AUTS2: variants seen among roughly 807,000 people sequenced by gnomAD.
AUTS2 encodes autism susceptibility gene 2 protein.
AUTS2 carries 17 observed loss-of-function variants against 112.4 expected under a neutral mutation model. The observed-to-expected ratio is 0.15, with a 90% CI of 0.10 to 0.23. The LOEUF (loss-of-function observed/expected upper bound fraction) is 0.23. Among genes scored for constraint, AUTS2 ranks in the 10% least tolerant of loss-of-function variants. AUTS2 has a pLI of 1.00. For missense variants in AUTS2, 1,510 were observed against 1,701.6 expected (o/e 0.89, Z 1.98); for synonymous variants, 751 against 702.7 (o/e 1.07, Z -1.09).
chr7:69,846,789 G>A (rs1246269323), intron 1 of AUTS2, among the ~76,000 whole-genome samples: 3 of 152,148 alleles, frequency 2.0e-5, no homozygotes, highest in Non-Finnish European at 4.4e-5. Flanking sequence ...GGCCAGGCTG[G>A]TCTCAAACTC....
chr7:69,641,720 A>G (rs145284690), intron 1 of AUTS2, among the ~76,000 whole-genome samples: 24 of 152,350 alleles, frequency 1.6e-4, no homozygotes, highest in African/African-American at 5.1e-4. Flanking sequence ...AAGGAATTCA[A>G]CAATTCTGCA....
intron 1 of AUTS2, among the ~76,000 whole-genome samples, chr7:69,879,220 C>T (rs1024510057): frequency 1.3e-5 from 2 of 151,956 alleles, no homozygotes; most frequent in African/African-American, 4.8e-5. Flanking sequence ...CAGCTCACTG[C>T]AGCTTCCCTC....
intron 1 of AUTS2, among the ~76,000 whole-genome samples, chr7:69,773,820 C>T (rs1378260508): frequency 2.0e-5 from 3 of 152,102 alleles, no homozygotes; most frequent in East Asian, 1.9e-4. Flanking sequence ...CCGTCTCTAC[C>T]GTGTAGCAAA....
At chr7:70,076,973 G>T (rs1238642666) in intron 2 of AUTS2, among the ~76,000 whole-genome samples, 1 of 151,950 alleles carries the variant, frequency 6.6e-6, no homozygotes. Context: ...TAGATATATA[G>T]CCTAGGGGGA....
Position 70,425,431 on chromosome 7 carries a change from G to C in AUTS2, c.661-10321G>C, listed in dbSNP as rs1383847136. Reference sequence around the variant, plus strand: ...CCTTTCCTTCCCCAGGATACACAGGGCACATGGTGATCACCTGAGATTCCC... The same window carrying C: ...CCTTTCCTTCCCCAGGATACACAGGCCACATGGTGATCACCTGAGATTCCC... On this transcript the variant is annotated intron_variant, in intron 4 of 18. Transcript: ENST00000342771. 9.9e-5 allele frequency among the ~76,000 whole-genome samples: 15 copies of C among 152,176 alleles called. No homozygotes were observed. The East Asian group carries it at 2.9e-3, about 29-fold the overall frequency.
In AUTS2 at chr7:70,755,661, C is replaced by A. The variant is rs539176748; in HGVS notation, c.743-7209C>A. ...CTCCACCCTGGGCGACAGAGTGAGA[C>A]TCCATCTCAAAAAAAAAATTCAGTA... is the stretch of plus-strand genomic sequence containing the variant. On this transcript the variant is annotated intron_variant, in intron 6 of 18. Coordinates refer to ENST00000342771, the MANE Select transcript of AUTS2 (RefSeq NM_015570.4). Among the ~76,000 whole-genome samples the A allele has an allele frequency of 2.6e-4, 40 of 151,592 alleles. 1 individual carries two copies. In the South Asian group the frequency reaches 7.5e-3, roughly 28 times the overall value.
intron 1 of AUTS2, among the ~76,000 whole-genome samples, chr7:69,763,266 CAAT>C (rs1305920110): frequency 6.6e-6 from 1 of 152,110 alleles, no homozygotes; most frequent in Non-Finnish European, 1.5e-5. Flanking sequence ...TACTGTCACT[CAAT>C]GATGCGTTGA....
chr7:70,547,926 A>T (rs1400115976), intron 5 of AUTS2, among the ~76,000 whole-genome samples: 1 of 152,144 alleles, frequency 6.6e-6, no homozygotes, highest in African/African-American at 2.4e-5. Context: ...CCAGTAATTT[A>T]GGTGCTTCTG....
At chr7:70,511,142 C>CA (rs1378413446) in intron 5 of AUTS2, among the ~76,000 whole-genome samples, 20 of 152,016 alleles carry the variant, frequency 1.3e-4, no homozygotes, top group Admixed American at 2.6e-4. Context: ...AACCACTGCG[C>CA]TCGGCCTTTA....
intron 1 of AUTS2, among the ~76,000 whole-genome samples, chr7:69,804,266 T>A (rs1450899920): frequency 1.3e-5 from 2 of 152,300 alleles, no homozygotes; most frequent in East Asian, 3.9e-4. Context: ...TATGGTCACG[T>A]ACACATCTGT....
chr7:70,433,041 G>C (rs373299440), intron 4 of AUTS2, among the ~76,000 whole-genome samples: 6 of 152,106 alleles, frequency 3.9e-5, no homozygotes, highest in East Asian at 3.9e-4. Context: ...GATACCAGTA[G>C]GTCTCAGTTC....
intron 5 of AUTS2, among the ~76,000 whole-genome samples, chr7:70,520,718 T>C (rs1799607992): frequency 6.6e-6 from 1 of 152,222 alleles, no homozygotes; most frequent in Non-Finnish European, 1.5e-5. Context: ...TGCCCCTTTC[T>C]TGGCACCTTG....
At chr7:69,891,026 A>G (rs1194690365) in intron 1 of AUTS2, among the ~76,000 whole-genome samples, 4 of 152,216 alleles carry the variant, frequency 2.6e-5, no homozygotes, top group Non-Finnish European at 5.9e-5. Flanking sequence ...CAAACTAACA[A>G]TATACAATTT....
At chr7:70,359,611 A>G (rs1239913404) in intron 4 of AUTS2, among the ~76,000 whole-genome samples, 1 of 152,108 alleles carries the variant, frequency 6.6e-6, no homozygotes, top group Non-Finnish European at 1.5e-5. Flanking sequence ...TGAGGGATCT[A>G]ATCCATTCCC....
At chr7:69,797,112 G>T (rs1789879364) in intron 1 of AUTS2, among the ~76,000 whole-genome samples, 1 of 152,054 alleles carries the variant, frequency 6.6e-6, no homozygotes, top group Non-Finnish European at 1.5e-5. Context: ...CAACTTTTGG[G>T]ACATTGGTCT....
intron 4 of AUTS2, among the ~76,000 whole-genome samples, chr7:70,399,996 C>T (rs1794257663): frequency 6.6e-6 from 1 of 152,196 alleles, no homozygotes; most frequent in Non-Finnish European, 1.5e-5. Context: ...TTCCTATAAA[C>T]AGTATTCCCT....
intron 4 of AUTS2, among the ~76,000 whole-genome samples, chr7:70,347,446 A>G (rs1320070374): frequency 6.6e-6 from 1 of 152,152 alleles, no homozygotes; most frequent in Non-Finnish European, 1.5e-5. Flanking sequence ...TATTTAATGA[A>G]GGTGGGCATG....
At chr7:70,339,019 C>T (rs912075882) in intron 4 of AUTS2, among the ~76,000 whole-genome samples, 8 of 151,780 alleles carry the variant, frequency 5.3e-5, no homozygotes, top group African/African-American at 1.2e-4. Context: ...CCCGCCAGCA[C>T]GCCCAGCTAA....
At chr7:69,644,984 C>T (rs538540805) in intron 1 of AUTS2, among the ~76,000 whole-genome samples, 1 of 152,102 alleles carries the variant, frequency 6.6e-6, no homozygotes, top group African/African-American at 2.4e-5. Flanking sequence ...TTATAGCTCA[C>T]TGCAGCCTCA....
Sources: gnomAD v4.1 joint callset for allele counts (sites outside exome capture counted in the v4.1 genomes callset) on GRCh38, gnomAD v4.1.1 for gene constraint, MANE v1.5 for transcripts, NCBI Gene and HGNC (gene_info 2026-07-23, HGNC 2026-07-21) for gene names.